Variants in ATP9B observed in about 807,000 individuals in gnomAD.
ATP9B encodes ATPase phospholipid transporting 9B.
A neutral mutation model predicts 146.1 loss-of-function variants in ATP9B; 110 were observed. The observed-to-expected ratio is 0.75, with a 90% CI of 0.65 to 0.88. ATP9B has a LOEUF of 0.88. Among genes scored for constraint, ATP9B ranks in the 40% least tolerant of loss-of-function variants. The pLI is 0.00. For missense variants in ATP9B, 1,499 were observed against 1,496.4 expected, an observed-to-expected ratio of 1.00 and a Z score of -0.03; for synonymous variants, 604 against 569.7, an observed-to-expected ratio of 1.06 and a Z score of -0.86.
chr18:79,377,418 C>T lies in ATP9B; in HGVS notation c.*35C>T, dbSNP rs1309854926. 1 of 1,598,924 alleles carries T rather than the reference C, an allele frequency of 6.3e-7. No homozygotes were observed. The highest frequency in any genetic ancestry group is 2.2e-5 in the East Asian group (1 of 44,798). On this transcript the variant is annotated 3_prime_UTR_variant, in exon 30 of 30. Coordinates refer to ENST00000426216, the MANE Select transcript of ATP9B (RefSeq NM_198531.5). ...CACCCCCAGCGGGCTGGCCCCAGCA[C>T]CTTCTGCCCTTCCCAGCACCTTGTG... is the stretch of plus-strand genomic sequence containing the variant.
chr18:79,123,017 T>G (rs2094215546), intron 4 of ATP9B, among the ~76,000 whole-genome samples: 1 of 152,194 alleles, frequency 6.6e-6, no homozygotes, highest in Non-Finnish European at 1.5e-5. Context: ...TGTGTTCCCC[T>G]TAAACTTAGG....
chr18:79,115,316 A>T (rs1326586513), intron 4 of ATP9B: 1 of 125,712 alleles, frequency 8.0e-6, no homozygotes, highest in Non-Finnish European at 1.6e-5. Flanking sequence ...GGGTAGGAAG[A>T]ATCAATATCG....
intron 2 of ATP9B, among the ~76,000 whole-genome samples, chr18:79,109,214 T>C (rs970097408): frequency 1.3e-5 from 2 of 152,238 alleles, no homozygotes; most frequent in Admixed American, 1.3e-4. Flanking sequence ...TAAGCCATTC[T>C]GAGTCTTTCT....
chr18:79,120,118 A>G (rs1014715521), intron 4 of ATP9B, among the ~76,000 whole-genome samples: 2 of 152,126 alleles, frequency 1.3e-5, no homozygotes, highest in Non-Finnish European at 2.9e-5. Flanking sequence ...GAGTTCTTGC[A>G]TTTTCTATAC....
chr18:79,071,914 G>A (rs1434033569), intron 1 of ATP9B, among the ~76,000 whole-genome samples: 7 of 124,480 alleles, frequency 5.6e-5, no homozygotes, highest in Admixed American at 8.3e-5. Flanking sequence ...TTTGGTTTTC[G>A]AATAAATTTA....
At chr18:79,116,941 A>AAAAAAAAAAAAAAAAAAAAAAAAAAT (rs2094092889) in intron 4 of ATP9B, among the ~76,000 whole-genome samples, 1 of 57,036 alleles carries the variant, frequency 1.8e-5, no homozygotes, top group Non-Finnish European at 3.5e-5. Context: ...AAAAAAAATT[A>AAAAAAAAAAAAAAAAAAAAAAAAAAT]AAAAAAAAAA....
At chr18:79,345,959 TA>T in intron 23 of ATP9B, 120 bp downstream of exon 23, 1 of 1,092,398 alleles carries the variant, frequency 9.2e-7, no homozygotes, top group African/African-American at 1.6e-5. Flanking sequence ...AGCATGTGCT[TA>T]GCGTACGCTC....
chr18:79,073,490 T>C (rs909327579), intron 1 of ATP9B, among the ~76,000 whole-genome samples: 1 of 152,150 alleles, frequency 6.6e-6, no homozygotes, highest in Non-Finnish European at 1.5e-5. Context: ...CAGTCAGGCG[T>C]GGCGGCGCGC....
intron 4 of ATP9B, among the ~76,000 whole-genome samples, chr18:79,123,618 G>T (rs1361336479): frequency 6.6e-6 from 1 of 151,688 alleles, no homozygotes; most frequent in Non-Finnish European, 1.5e-5. Flanking sequence ...TGGCTAATAC[G>T]TCATAGAAAA....
intron 26 of ATP9B, among the ~76,000 whole-genome samples, chr18:79,365,843 C>T (rs529728018): frequency 2.7e-5 from 4 of 150,178 alleles, no homozygotes; most frequent in African/African-American, 9.9e-5. Flanking sequence ...TCTCCGTGGA[C>T]GGGGACAGCT....
intron 10 of ATP9B, among the ~76,000 whole-genome samples, chr18:79,212,311 A>G (rs2148404293): frequency 6.6e-6 from 1 of 152,336 alleles, no homozygotes; most frequent in African/African-American, 2.4e-5. Flanking sequence ...CAGATTATAC[A>G]AATATTGTAC....
At chr18:79,152,668 A>G (rs1599947573) in intron 6 of ATP9B, among the ~76,000 whole-genome samples, 1 of 151,822 alleles carries the variant, frequency 6.6e-6, no homozygotes, top group Non-Finnish European at 1.5e-5. Flanking sequence ...TAGGCATTTT[A>G]TTGTTTTGGC....
At chr18:79,135,031 T>G (rs2094431907) in intron 5 of ATP9B, among the ~76,000 whole-genome samples, 1 of 152,184 alleles carries the variant, frequency 6.6e-6, no homozygotes, top group Admixed American at 6.5e-5. Flanking sequence ...TTTTCTTTTT[T>G]CCCCCACAAA....
chr18:79,071,049 C>CTTTTTTCTTTTTTTTT (rs1555723402), intron 1 of ATP9B, among the ~76,000 whole-genome samples: 27 of 112,324 alleles, frequency 2.4e-4, no homozygotes, highest in Non-Finnish European at 3.6e-4. Context: ...ATTCCTGTTT[C>CTTTTTTCTTTTTTTTT]TTTTTTTTTT....
chr18:79,346,001 A>G (rs906614487), intron 23 of ATP9B, among the ~76,000 whole-genome samples, 162 bp downstream of exon 23: 7 of 151,868 alleles, frequency 4.6e-5, no homozygotes, highest in Non-Finnish European at 7.4e-5. Context: ...ATGCTTGGTC[A>G]ACACACATCA....
intron 12 of ATP9B, among the ~76,000 whole-genome samples, chr18:79,268,945 T>G (rs1257259450): frequency 6.6e-6 from 1 of 152,208 alleles, no homozygotes; most frequent in Non-Finnish European, 1.5e-5. Flanking sequence ...AAGACTTCAC[T>G]TCTTTGGGTC....
At chr18:79,119,110 G>T (rs370607664) in intron 4 of ATP9B, among the ~76,000 whole-genome samples, 1 of 114,634 alleles carries the variant, frequency 8.7e-6, no homozygotes, top group African/African-American at 4.5e-5. Flanking sequence ...GGTTAAAACT[G>T]TTTTAACTTA....
chr18:79,070,139 C>T (rs555098905), intron 1 of ATP9B, among the ~76,000 whole-genome samples: 33 of 152,258 alleles, frequency 2.2e-4, no homozygotes, highest in Admixed American at 2.1e-3. Context: ...GTGTACAGAC[C>T]TTTCATACTC....
At chr18:79,270,308 GTGTGTGTGTGTC>G (rs2096242712) in intron 12 of ATP9B, among the ~76,000 whole-genome samples, 1 of 152,016 alleles carries the variant, frequency 6.6e-6, no homozygotes, top group Non-Finnish European at 1.5e-5. Flanking sequence ...AGCTCTGTGT[GTGTGTGTGTGTC>G]TGTGTGTGTG....
Sources: gnomAD v4.1 joint callset for allele counts (sites outside exome capture counted in the v4.1 genomes callset) on GRCh38, gnomAD v4.1.1 for gene constraint, MANE v1.5 for transcripts, NCBI Gene and HGNC (gene_info 2026-07-23, HGNC 2026-07-21) for gene names.